The following RFPL4A variants were observed in gnomAD, a reference collection of about 807,000 sequenced individuals.
RFPL4A encodes ret finger protein-like 4A.
A neutral mutation model predicts 8.3 loss-of-function variants in RFPL4A; 4 were observed. The observed-to-expected ratio is 0.48, with a 90% CI of 0.24 to 1.10. RFPL4A has a LOEUF of 1.10. RFPL4A is among the 50% of genes least tolerant of loss of function. The probability of loss-of-function intolerance (pLI) is 0.18; values close to 1 mark genes in which losing one functional copy is unlikely to be tolerated. For missense variants in RFPL4A, 111 were observed against 358.7 expected (o/e 0.31, Z 5.58); for synonymous variants, 43 against 136.6 (o/e 0.31, Z 4.78).
At chr19:55,758,997 A>G (rs1274072782), upstream of RFPL4A, 1 of 148,904 alleles carries the variant, frequency 6.7e-6, no homozygotes, top group African/African-American at 2.5e-5. Context: ...AATAGTAACA[A>G]TCTCAATGAT....
At chr19:55,760,773 GT>G (rs1314563215) in intron 1 of RFPL4A, among the ~76,000 whole-genome samples, 1 of 151,586 alleles carries the variant, frequency 6.6e-6, no homozygotes, top group African/African-American at 2.4e-5. Context: ...AACAGCCACT[GT>G]TTTGGTCCTA....
At chr19:55,760,001 A>T (rs1989250259) in intron 1 of RFPL4A, among the ~76,000 whole-genome samples, 1 of 151,648 alleles carries the variant, frequency 6.6e-6, no homozygotes, top group South Asian at 2.1e-4. Context: ...CGCTGCAGAG[A>T]ACCTAAGAGT....
At chr19:55,760,697 T>C (rs1452852474) in intron 1 of RFPL4A, among the ~76,000 whole-genome samples, 2 of 151,590 alleles carry the variant, frequency 1.3e-5, no homozygotes, top group South Asian at 2.1e-4. Context: ...CCCTCCGGTT[T>C]TTTATCACCT....
rs937474745 is a variant in RFPL4A at position 55,759,229 on chromosome 19, G to C, written c.-10+54G>C. 4.0e-4 allele frequency: 61 copies of C among 152,298 alleles called. No homozygotes were observed. The East Asian group carries it at 9.3e-3, about 23-fold the overall frequency. 9.4% of individuals were successfully genotyped at this position (152,298 alleles called of 1,614,324 possible). On this transcript the variant is annotated intron_variant, in intron 1 of 2. Transcript: ENST00000434937. ...TACAAAAGGCGTATGAGAGTCTAGG[G>C]GAATGCAATAATGTCTTGATTCCAC...
At position 55,759,699 on chromosome 19, in the gene RFPL4A, A is replaced by ATTTTTTTTTTTTTTTTTTT. The variant is rs1568614250; in HGVS notation, c.-10+526_-10+527insTTTTTTTTTTTTTTTTTTT. Among the ~76,000 whole-genome samples the ATTTTTTTTTTTTTTTTTTT allele has an allele frequency of 2.6e-5, 4 of 151,430 alleles. No individual in the cohort carries two copies. The East Asian group carries it at 7.8e-4, about 30-fold the overall frequency. On this transcript the variant is annotated intron_variant, in intron 1 of 2. Coordinates refer to ENST00000434937, the MANE Select transcript of RFPL4A (RefSeq NM_001145014.2). ...AGGATGGGGATTCATTATTTCTTTA[A>ATTTTTTTTTTTTTTTTTTT]TTGTTTTGAGACAGGGTCTCGCTCT...
rs372690896 is a variant in RFPL4A at position 55,761,419 on chromosome 19, T to C, written c.-9-373T>C. ...AGTTTACGTTCTCTTTTCCCCATTA[T>C]GTCTTCAAAAATAAGAGCGTATTTG... On this transcript the variant is annotated intron_variant, in intron 1 of 2. Transcript: ENST00000434937. Among the ~76,000 whole-genome samples, 8 of 137,656 alleles carry C rather than the reference T, an allele frequency of 5.8e-5. 1 individual carries two copies. Among genetic ancestry groups the C allele is most frequent in the South Asian group, 2.3e-4 (1 of 4,364 alleles). The allele number at this position is 137,656 out of a possible 152,430, so 90.3% of individuals were successfully genotyped here. A position where few individuals can be genotyped will look rare whatever the true frequency, so the allele number is the denominator to read the frequency against.
At chr19:55,761,126 C>T (rs1449146041) in intron 1 of RFPL4A, among the ~76,000 whole-genome samples, 1 of 133,068 alleles carries the variant, frequency 7.5e-6, no homozygotes, top group East Asian at 2.0e-4. Flanking sequence ...TTCAGTTTTA[C>T]CTGGTACGAC....
chr19:55,757,502 G>A (rs1176811149), upstream of RFPL4A, among the ~76,000 whole-genome samples: 2 of 152,094 alleles, frequency 1.3e-5, no homozygotes, highest in African/African-American at 2.4e-5. Context: ...TACAGACCTC[G>A]CTGACTGGGA....
chr19:55,763,365 G>A lies in RFPL4A; in HGVS notation c.*190G>A, dbSNP rs1205169542. ...CATTGTACTTAAAGTTTGTCATGTT[G>A]TTTTCTTTGGGGCTTATGTTTATAT... On this transcript the variant is annotated 3_prime_UTR_variant, in exon 3 of 3. Transcript: ENST00000434937. 6.7e-6 allele frequency among the ~76,000 whole-genome samples: 1 copy of A among 149,744 alleles called. No individual in the cohort carries two copies. Among genetic ancestry groups the A allele is most frequent in the South Asian group, 2.1e-4 (1 of 4,800 alleles).
At position 55,763,126 on chromosome 19, in the gene RFPL4A, T is replaced by C; in HGVS notation, c.815T>C (p.Val272Ala). 6.5e-7 allele frequency: 1 copy of C among 1,542,884 alleles called. No homozygotes were observed. Among genetic ancestry groups the C allele is most frequent in the Non-Finnish European group, 8.7e-7 (1 of 1,145,150 alleles). The change falls in exon 3 of 3, where the codon GTG becomes GCG. Residue 272 changes from valine to alanine, a missense_variant. Transcript: ENST00000434937. ...CAGAGCATCCTGAGTATCTGTTCTG[T>C]GATCAATCCATCCGCTGCCAGTGCC... The part of the protein sequence containing the change: ...DDQSILSICS[V>A]INPSAASAPV...
chr19:55,757,381 AAAAAG>A (rs1188108765), upstream of RFPL4A, among the ~76,000 whole-genome samples: 1 of 152,032 alleles, frequency 6.6e-6, no homozygotes, highest in Non-Finnish European at 1.5e-5. Context: ...AATTAAAAAA[AAAAAG>A]AAAAGTTTGC....
chr19:55,760,072 G>A (rs1989251768), intron 1 of RFPL4A, among the ~76,000 whole-genome samples: 1 of 151,682 alleles, frequency 6.6e-6, no homozygotes, highest in African/African-American at 2.4e-5. Flanking sequence ...AAGTAGGGTT[G>A]CTGGAACACA....
rs1000767045 is a variant in RFPL4A at position 55,761,898 on chromosome 19, A to G, written c.98A>G (p.Gln33Arg). The G allele has an allele frequency of 2.0e-6, 3 of 1,505,150 alleles. No individual in the cohort carries two copies. The highest frequency in any genetic ancestry group is 3.0e-5 in the African/African-American group (2 of 67,610). 93.2% of individuals were successfully genotyped at this position (1,505,150 alleles called of 1,614,324 possible). The change falls in exon 2 of 3, where the codon CAG becomes CGG. Residue 33 changes from glutamine (Q) to arginine (R), a missense_variant. Physicochemically the swap from Gln to Arg is conservative, Grantham distance 43 (BLOSUM62 1). Transcript: ENST00000434937. ...QLKCGYACCL[Q>R]CLNSLQKEPD... is the part of the protein sequence containing the mutation. Reference sequence around the variant, plus strand: ...AAATGTGGATATGCCTGCTGCCTCCAGTGCCTCAATTCACTCCAGAAGGAG... The same window carrying G: ...AAATGTGGATATGCCTGCTGCCTCCGGTGCCTCAATTCACTCCAGAAGGAG...
At position 55,763,139 on chromosome 19, in the gene RFPL4A, C is replaced by G; in HGVS notation, c.828C>G (p.Ser276=). ...GTATCTGTTCTGTGATCAATCCATC[C>G]GCTGCCAGTGCCCCAGTTTCTTCTG... The part of the protein sequence containing the change: ...ILSICSVINP[S]AASAPVSSEG... Residue 276 remains serine, a synonymous_variant, in exon 3 of 3, where the codon TCC becomes TCG. Coordinates refer to ENST00000434937, the MANE Select transcript of RFPL4A (RefSeq NM_001145014.2). The G allele has an allele frequency of 6.7e-7, 1 of 1,485,276 alleles. No individual in the cohort carries two copies. The highest frequency in any genetic ancestry group is 9.0e-7 in the Non-Finnish European group (1 of 1,113,336). The allele number at this position is 1,485,276 out of a possible 1,614,324, so 92.0% of individuals were successfully genotyped here.
In RFPL4A at chr19:55,762,804, G is replaced by A. The variant is rs764851164; in HGVS notation, c.493G>A (p.Val165Met). The change falls in exon 3 of 3, where the codon GTG (valine) becomes ATG (methionine). Residue 165 changes from valine to methionine, a missense_variant. Physicochemically the swap from Val to Met is conservative, Grantham distance 21 (BLOSUM62 1). Transcript: ENST00000434937. Reference sequence around the variant, plus strand: ...CGTGGGCACCAGCCAAGTGTGGGATGTGGGCGTGTGCAAGGAATCTGTGAA... The same window carrying A: ...CGTGGGCACCAGCCAAGTGTGGGATATGGGCGTGTGCAAGGAATCTGTGAA... ...VDVGTSQVWD[V>M]GVCKESVNRQ... 3.3e-6 allele frequency: 5 copies of A among 1,504,304 alleles called. No homozygotes were observed. In the South Asian group the frequency reaches 3.6e-5, roughly 11 times the overall value. The allele number at this position is 1,504,304 out of a possible 1,614,324, so 93.2% of individuals were successfully genotyped here. A position where few individuals can be genotyped will look rare whatever the true frequency, so the allele number is the denominator to read the frequency against.
At chr19:55,761,210 G>T (rs182492282) in intron 1 of RFPL4A, among the ~76,000 whole-genome samples, 1 of 140,108 alleles carries the variant, frequency 7.1e-6, no homozygotes, top group East Asian at 2.0e-4. Flanking sequence ...CACAGTTGGG[G>T]AAGTAGAAGG....
At chr19:55,758,049 A>G (rs1211446303), upstream of RFPL4A, among the ~76,000 whole-genome samples, 4 of 152,358 alleles carry the variant, frequency 2.6e-5, no homozygotes, top group African/African-American at 9.6e-5. Context: ...ATGCAAGAAG[A>G]GATAAGCATT....
chr19:55,762,147 C>G, intron 2 of RFPL4A, 61 bp downstream of exon 2: 1 of 1,524,120 alleles, frequency 6.6e-7, no homozygotes. Context: ...GTCTTTCAAA[C>G]ATTTCTTCAT....
chr19:55,757,555 A>G (rs188070461), upstream of RFPL4A, among the ~76,000 whole-genome samples: 1 of 152,100 alleles, frequency 6.6e-6, no homozygotes, highest in East Asian at 1.9e-4. Context: ...AGACCCCTAA[A>G]GTACTGAACT....
Sources: allele counts gnomAD v4.1 joint callset (sites outside exome capture counted in the v4.1 genomes callset), GRCh38; gene constraint gnomAD v4.1.1; transcripts MANE v1.5; gene names NCBI Gene and HGNC (gene_info 2026-07-23, HGNC 2026-07-21).